Variants in MYO6 observed in about 807,000 individuals in gnomAD.
MYO6 encodes unconventional myosin-VI.
A neutral mutation model predicts 178.7 loss-of-function variants in MYO6; 74 were observed. The ratio of observed to expected loss-of-function variants is 0.41; its 90% CI spans 0.34 to 0.50. The LOEUF (loss-of-function observed/expected upper bound fraction) is 0.50. Ranked by LOEUF, MYO6 falls within the 20% of genes least tolerant of loss-of-function variation. MYO6 has a pLI of 0.09. For synonymous variants in MYO6, 477 were observed against 504.6 expected, an observed-to-expected ratio of 0.95 and a Z score of 0.73; for missense variants, 1,330 against 1,547.4, an observed-to-expected ratio of 0.86 and a Z score of 2.36.
At chr6:75,843,270 C>T (rs1019487057) in intron 9 of MYO6, among the ~76,000 whole-genome samples, 14 of 152,252 alleles carry the variant, frequency 9.2e-5, no homozygotes, top group African/African-American at 3.4e-4. Context: ...GGTCACTACT[C>T]TATCAAAATT....
At chr6:75,776,549 C>T (rs1161181264) in intron 1 of MYO6, among the ~76,000 whole-genome samples, 1 of 152,138 alleles carries the variant, frequency 6.6e-6, no homozygotes, top group African/African-American at 2.4e-5. Context: ...TAGGCCACCA[C>T]CTGGTTGCTC....
At chr6:75,896,698 A>G (rs536065352) in intron 29 of MYO6, among the ~76,000 whole-genome samples, 1 of 152,346 alleles carries the variant, frequency 6.6e-6, no homozygotes, top group East Asian at 1.9e-4. Flanking sequence ...TTCCTTGGGT[A>G]GGACATTTGG....
chr6:75,793,901 T>A (rs565125011), intron 1 of MYO6, among the ~76,000 whole-genome samples: 15 of 152,332 alleles, frequency 9.8e-5, no homozygotes, highest in African/African-American at 3.4e-4. Context: ...GTCATAGGTC[T>A]CCATGTACTT....
intron 30 of MYO6, among the ~76,000 whole-genome samples, chr6:75,904,704 G>A (rs555306213): frequency 1.7e-3 from 262 of 152,148 alleles, no homozygotes; most frequent in African/African-American, 6.0e-3. Flanking sequence ...TAATTTGGTC[G>A]TCTGAAGCCT....
At chr6:75,765,707 C>T (rs556727800) in intron 1 of MYO6, among the ~76,000 whole-genome samples, 37 of 151,810 alleles carry the variant, frequency 2.4e-4, no homozygotes, top group African/African-American at 8.7e-4. Flanking sequence ...ATGATCATGC[C>T]ACTGCACTGA....
At chr6:75,808,358 G>A (rs1770313716) in intron 1 of MYO6, among the ~76,000 whole-genome samples, 1 of 152,156 alleles carries the variant, frequency 6.6e-6, no homozygotes. Context: ...CATGGTGCAT[G>A]TACTCGGACA....
At chr6:75,762,873 GA>G (rs1397604639) in intron 1 of MYO6, among the ~76,000 whole-genome samples, 1 of 152,070 alleles carries the variant, frequency 6.6e-6, no homozygotes. Flanking sequence ...TGTAAATAAT[GA>G]ATTTAAGTGT....
At chr6:75,863,504 A>G (rs1252118953) in intron 16 of MYO6, among the ~76,000 whole-genome samples, 1 of 150,966 alleles carries the variant, frequency 6.6e-6, no homozygotes, top group Non-Finnish European at 1.5e-5. Context: ...TTTTTTTTTG[A>G]GACAGAGTTT....
rs572408668 is a variant in MYO6, at chr6:75,890,538, T to C, written c.2867+273T>C. Among the ~76,000 whole-genome samples, 130 of 152,204 alleles carry C rather than the reference T, an allele frequency of 8.5e-4. No homozygotes were observed. In the Middle Eastern group the frequency reaches 0.027, roughly 32 times the overall value. On this transcript the variant is annotated intron_variant, in intron 26 of 34. Coordinates refer to ENST00000369977, the MANE Select transcript of MYO6 (RefSeq NM_004999.4). The stretch of plus-strand genomic sequence containing the variant: ...TTTTGTATTTGTAGTGGAGACGGGG[T>C]TTCACTATGTTGGCCAGGCTGGTCT...
chr6:75,780,638 A>G (rs1302660324), intron 1 of MYO6, among the ~76,000 whole-genome samples: 1 of 152,132 alleles, frequency 6.6e-6, no homozygotes, highest in Non-Finnish European at 1.5e-5. Context: ...TTAACTGAAC[A>G]TAGAGCTATG....
At chr6:75,900,371 A>G (rs959543988) in intron 30 of MYO6, among the ~76,000 whole-genome samples, 5 of 152,040 alleles carry the variant, frequency 3.3e-5, no homozygotes, top group Admixed American at 2.6e-4. Context: ...AAGTGTTCCT[A>G]TTTCTCCACA....
intron 1 of MYO6, among the ~76,000 whole-genome samples, chr6:75,803,964 G>C (rs1769743162): frequency 6.6e-6 from 1 of 152,166 alleles, no homozygotes; most frequent in African/African-American, 2.4e-5. Context: ...CACGATCATG[G>C]CTCACTGCAG....
intron 13 of MYO6, 92 bp downstream of exon 13, chr6:75,857,346 T>C: frequency 2.3e-6 from 3 of 1,277,758 alleles, no homozygotes; most frequent in Non-Finnish European, 3.4e-6. Context: ...TTGTAACTCA[T>C]TTTACTTGAT....
rs1775647804 is a variant in MYO6 at position 75,855,352 on chromosome 6, C to T, written c.1223+69C>T. 2.0e-6 allele frequency: 3 copies of T among 1,498,594 alleles called. No individual in the cohort carries two copies. In the Admixed American group the frequency reaches 5.3e-5, roughly 26 times the overall value. 92.8% of individuals were successfully genotyped at this position (1,498,594 alleles called of 1,614,324 possible). The stretch of plus-strand genomic sequence containing the variant: ...GTTTGTCAAGGAAAAACATAAGTTA[C>T]ATTCTGTTTAAAACCTGAGCTTGGT... On this transcript the variant is annotated intron_variant, in intron 12 of 34. Transcript: ENST00000369977.
At chr6:75,857,056 C>A in intron 12 of MYO6, 41 bp from the exon 13 acceptor site, 1 of 1,601,690 alleles carries the variant, frequency 6.2e-7, no homozygotes, top group Non-Finnish European at 8.5e-7. Flanking sequence ...TCACAGTGCA[C>A]TATTATAAAG....
At chr6:75,898,997 A>T (rs535195336) in intron 30 of MYO6, among the ~76,000 whole-genome samples, 1 of 152,356 alleles carries the variant, frequency 6.6e-6, no homozygotes, top group African/African-American at 2.4e-5. Flanking sequence ...TTAACACTTA[A>T]AAATCAGTTT....
chr6:75,770,725 C>T (rs1765800090), intron 1 of MYO6, among the ~76,000 whole-genome samples: 1 of 152,294 alleles, frequency 6.6e-6, no homozygotes, highest in South Asian at 2.1e-4. Context: ...GATCCACCAG[C>T]CATGGCCTCC....
intron 1 of MYO6, among the ~76,000 whole-genome samples, chr6:75,766,844 C>G (rs954622370): frequency 7.2e-5 from 11 of 152,138 alleles, no homozygotes; most frequent in African/African-American, 2.2e-4. Flanking sequence ...TACCTATGTT[C>G]TCCTCTGAAT....
chr6:75,793,676 A>G (rs1768483794), intron 1 of MYO6, among the ~76,000 whole-genome samples: 1 of 152,230 alleles, frequency 6.6e-6, no homozygotes, highest in Non-Finnish European at 1.5e-5. Flanking sequence ...TCCCAAGGCA[A>G]TGATGAAAAT....
Sources: gnomAD v4.1 joint callset for allele counts (sites outside exome capture counted in the v4.1 genomes callset) on GRCh38, gnomAD v4.1.1 for gene constraint, MANE v1.5 for transcripts, NCBI Gene and HGNC (gene_info 2026-07-23, HGNC 2026-07-21) for gene names.